Variants in CTHRC1 observed in about 807,000 individuals in gnomAD.
CTHRC1 encodes the protein collagen triple helix repeat containing 1.
A neutral mutation model predicts 25.9 loss-of-function variants in CTHRC1; 21 were observed. The observed-to-expected ratio is 0.81, with a 90% CI of 0.57 to 1.17. CTHRC1 has a LOEUF of 1.17. Among genes scored for constraint, CTHRC1 ranks in the 50% most tolerant of loss-of-function variants. The probability of loss-of-function intolerance (pLI) is 0.00; values close to 1 mark genes in which losing one functional copy is unlikely to be tolerated. For missense variants in CTHRC1, 281 were observed against 304.3 expected (o/e 0.92, Z 0.57); for synonymous variants, 109 against 113.1 (o/e 0.96, Z 0.23).
chr8:103,375,991 G>T (rs753984040), intron 2 of CTHRC1, 32 bp downstream of exon 2: 1 of 1,519,998 alleles, frequency 6.6e-7, no homozygotes, highest in Non-Finnish European at 9.1e-7. Context: ...ATTGAAGCAA[G>T]ATTTAAGGGT....
chr8:103,377,489 G>A (rs982147086), intron 2 of CTHRC1, among the ~76,000 whole-genome samples: 1 of 152,136 alleles, frequency 6.6e-6, no homozygotes, highest in Middle Eastern at 3.2e-3. Flanking sequence ...ACCCTCAATG[G>A]GGCGAAAAGT....
intron 3 of CTHRC1, among the ~76,000 whole-genome samples, chr8:103,380,274 A>G (rs1815884309): frequency 6.6e-6 from 1 of 152,254 alleles, no homozygotes; most frequent in African/African-American, 2.4e-5. Flanking sequence ...ATACACGCAT[A>G]TACTTTATAA....
chr8:103,371,697 G>C lies in CTHRC1; in HGVS notation c.41G>C (p.Arg14Pro), dbSNP rs760875512. 2 of 1,533,168 alleles carry C rather than the reference G, an allele frequency of 1.3e-6. No individual in the cohort carries two copies. The highest frequency in any genetic ancestry group is 1.2e-5 in the South Asian group (1 of 82,296). The allele number at this position is 1,533,168 out of a possible 1,614,324, so 95.0% of individuals were successfully genotyped here. The change falls in exon 1 of 4, where the codon CGC (arginine) becomes CCC (proline). Residue 14 changes from arginine to proline, a missense_variant. By Grantham distance (103) the Arg-to-Pro change is moderately radical (BLOSUM62 -2). Transcript: ENST00000330295. The stretch of plus-strand genomic sequence containing the variant: ...CCCGCCGCCTCCCCGCAGCGGCTCC[G>C]CGGCCTCCTGCTGCTCCTGCTGCTG... Reference protein sequence around the residue: ...QGPAASPQRLRGLLLLLLLQL... With the variant: ...QGPAASPQRLPGLLLLLLLQL...
In CTHRC1 at chr8:103,371,585, C is replaced by A; in HGVS notation, c.-72C>A. 6.7e-7 allele frequency: 1 copy of A among 1,488,386 alleles called. No homozygotes were observed. The highest frequency in any genetic ancestry group is 1.2e-5 in the South Asian group (1 of 80,148). The allele number at this position is 1,488,386 out of a possible 1,614,324, so 92.2% of individuals were successfully genotyped here. On this transcript the variant is annotated 5_prime_UTR_variant, in exon 1 of 4. Coordinates refer to ENST00000330295, the MANE Select transcript of CTHRC1 (RefSeq NM_138455.4). ...GCGGCGGCCTCGGAGCGCGGCGGAG[C>A]CAGACGCTGACCACGTTCCTCTCCT... is the stretch of plus-strand genomic sequence containing the variant.
At chr8:103,375,429 C>A (rs1465463242) in intron 1 of CTHRC1, among the ~76,000 whole-genome samples, 1 of 152,086 alleles carries the variant, frequency 6.6e-6, no homozygotes, top group Admixed American at 6.5e-5. Context: ...TTATTCCCAC[C>A]TTGGAATACA....
In CTHRC1 at chr8:103,382,458, T is replaced by C. The variant is rs763118215; in HGVS notation, c.590T>C (p.Val197Ala). Residue 197 changes from valine (V) to alanine (A), a missense_variant and splice_region_variant, in exon 4 of 4, where the codon GTG becomes GCG. Transcript: ENST00000330295. ...STINIHRTSS[V>A]EGLCEGIGAG... ...TGTAACTTTCATCTTTGTCTTGCAG[T>C]GGAAGGACTTTGTGAAGGAATTGGT... 1 of 1,613,838 alleles carries C rather than the reference T, an allele frequency of 6.2e-7. No homozygotes were observed. Among genetic ancestry groups the C allele is most frequent in the South Asian group, 1.1e-5 (1 of 91,076 alleles).
chr8:103,377,939 A>T, intron 2 of CTHRC1, 88 bp from the exon 3 acceptor site: 1 of 1,103,388 alleles, frequency 9.1e-7, no homozygotes, highest in Non-Finnish European at 1.4e-6. Flanking sequence ...GGGGAAAAGG[A>T]TAGTTAAGTA....
At chr8:103,374,649 A>G (rs1188721062) in intron 1 of CTHRC1, among the ~76,000 whole-genome samples, 1 of 152,188 alleles carries the variant, frequency 6.6e-6, no homozygotes, top group Non-Finnish European at 1.5e-5. Context: ...AGGGCAGTGG[A>G]CACACTTACC....
rs1369980115 is a variant in CTHRC1, at chr8:103,373,091, G to C, written c.150+1285G>C. Reference sequence around the variant, plus strand: ...ATTAAAACTGTGCCAAATGAGTATGGTTCATGTGTAGTTTGCATTTTATGA... The same window carrying C: ...ATTAAAACTGTGCCAAATGAGTATGCTTCATGTGTAGTTTGCATTTTATGA... On this transcript the variant is annotated intron_variant, in intron 1 of 3. Transcript: ENST00000330295. Among the ~76,000 whole-genome samples the C allele has an allele frequency of 2.6e-5, 4 of 152,266 alleles. No individual in the cohort carries two copies. In the East Asian group the frequency reaches 7.7e-4, roughly 29 times the overall value.
intron 1 of CTHRC1, among the ~76,000 whole-genome samples, chr8:103,375,267 A>G (rs1220270230): frequency 2.6e-5 from 4 of 152,208 alleles, no homozygotes; most frequent in African/African-American, 9.7e-5. Context: ...AAAAGAAGAA[A>G]AAGGCTGTAT....
chr8:103,372,873 T>C (rs1278752877), intron 1 of CTHRC1, among the ~76,000 whole-genome samples: 3 of 152,226 alleles, frequency 2.0e-5, no homozygotes, highest in Admixed American at 6.5e-5. Flanking sequence ...AGTTTTGAAT[T>C]TGTTAAGCTG....
At position 103,382,626 on chromosome 8, in the gene CTHRC1, C is replaced by CT. The variant is rs762922336; in HGVS notation, c.*33dup. ...ATGCTTTAATTTTCATTTGCTACCT[C>CT]TTTTTTTATTATGCCTTGGAATGGT... On this transcript the variant is annotated 3_prime_UTR_variant, in exon 4 of 4. Transcript: ENST00000330295. The CT allele has an allele frequency of 1.1e-3, 1,802 of 1,584,334 alleles. 5 individuals carry two copies. The highest frequency in any genetic ancestry group is 1.4e-3 in the Non-Finnish European group (1,571 of 1,153,188).
intron 3 of CTHRC1, 148 bp from the exon 4 acceptor site, chr8:103,382,310 A>T (rs1815927301): frequency 1.4e-6 from 1 of 723,734 alleles, no homozygotes; most frequent in East Asian, 2.7e-5. Context: ...AGAGGACTTC[A>T]TTATAAAAAC....
At chr8:103,381,647 T>C (rs1383429232) in intron 3 of CTHRC1, among the ~76,000 whole-genome samples, 1 of 152,188 alleles carries the variant, frequency 6.6e-6, no homozygotes, top group African/African-American at 2.4e-5. Context: ...TAAAATGGGA[T>C]TCCCAGATTG....
intron 1 of CTHRC1, 48 bp downstream of exon 1, chr8:103,371,854 C>G (rs576687281): frequency 6.9e-7 from 1 of 1,455,038 alleles, no homozygotes; most frequent in Non-Finnish European, 9.1e-7. Flanking sequence ...GTGGAGGGGA[C>G]CTGGCCGCGC....
Position 103,375,830 on chromosome 8 carries a change from AGGTC to A in CTHRC1, c.246_249del (p.Arg83MetfsTer11). 2 of 1,614,144 alleles carry A rather than the reference AGGTC, an allele frequency of 1.2e-6. No individual in the cohort carries two copies. Among genetic ancestry groups the A allele is most frequent in the Non-Finnish European group, 1.7e-6 (2 of 1,180,022 alleles). Reference sequence around the variant, plus strand: ...GCATTCCGGGTACACCTGGGATCCCAGGTCGGGATGGATTCAAAGGAGAAAAGGG... The same window carrying A: ...GCATTCCGGGTACACCTGGGATCCCAGGGATGGATTCAAAGGAGAAAAGGG... On this transcript the variant is annotated frameshift_variant, in exon 2 of 4. Transcript: ENST00000330295. LOFTEE classifies it high-confidence loss of function.
chr8:103,373,284 CAGA>C (rs1815744996), intron 1 of CTHRC1, among the ~76,000 whole-genome samples: 2 of 152,190 alleles, frequency 1.3e-5, no homozygotes, highest in Admixed American at 6.5e-5. Flanking sequence ...GTTTTGCTGA[CAGA>C]AGAAGTCCAC....
At position 103,379,135 on chromosome 8, in the gene CTHRC1, T is replaced by G. The variant is rs188170535; in HGVS notation, c.589+892T>G. 2.0e-3 allele frequency among the ~76,000 whole-genome samples: 306 copies of G among 152,354 alleles called. 2 individuals carry two copies. The highest frequency in any genetic ancestry group is 3.5e-3 in the Non-Finnish European group (239 of 68,036). On this transcript the variant is annotated intron_variant, in intron 3 of 3. Coordinates refer to ENST00000330295, the MANE Select transcript of CTHRC1 (RefSeq NM_138455.4). ...CTGCTGAATTTGTAAAAGACAAAAT[T>G]TTTATACTGTTTCTGTATTCTGTTT...
chr8:103,379,967 G>A (rs541585288), intron 3 of CTHRC1, among the ~76,000 whole-genome samples: 7 of 152,296 alleles, frequency 4.6e-5, no homozygotes, highest in African/African-American at 1.2e-4. Context: ...TAGAATCAGC[G>A]TTCAGGAGAG....
Sources: gnomAD v4.1 joint callset for allele counts (sites outside exome capture counted in the v4.1 genomes callset) on GRCh38, gnomAD v4.1.1 for gene constraint, MANE v1.5 for transcripts, NCBI Gene and HGNC (gene_info 2026-07-23, HGNC 2026-07-21) for gene names.